The following ZZZ3 variants were observed in gnomAD, a reference collection of about 807,000 sequenced individuals.
ZZZ3 encodes ZZ-type zinc finger-containing protein 3.
ZZZ3 carries 22 observed loss-of-function variants against 95.2 expected under a neutral mutation model. That is an observed-to-expected ratio of 0.23 (90% CI 0.17 to 0.33). ZZZ3 has a LOEUF of 0.33. Ranked by LOEUF, ZZZ3 falls within the 10% of genes least tolerant of loss-of-function variation. The probability of loss-of-function intolerance (pLI) is 1.00; values close to 1 mark genes in which losing one functional copy is unlikely to be tolerated. For missense variants in ZZZ3, 885 were observed against 1,066.5 expected (o/e 0.83, Z 2.37); for synonymous variants, 335 against 358.9 (o/e 0.93, Z 0.75).
At position 77,632,387 on chromosome 1, in the gene ZZZ3, T is replaced by G; in HGVS notation, c.968A>C (p.Asp323Ala). ...DSEEEVDVVG[D>A]SSASKEQCKE... The stretch of plus-strand genomic sequence containing the variant: ...ACACTGCTCTTTTGAGGCACTGCTA[T>G]CTCCCACCACATCTACTTCCTCCTC... The change falls in exon 5 of 15, where the codon GAT (aspartate) becomes GCT (alanine). Residue 323 changes from aspartate (D) to alanine (A), a missense_variant. Transcript: ENST00000370801. The G allele has an allele frequency of 6.2e-7, 1 of 1,614,130 alleles. No homozygotes were observed.
chr1:77,625,502 C>A (rs1462231096), intron 5 of ZZZ3, among the ~76,000 whole-genome samples: 1 of 151,578 alleles, frequency 6.6e-6, no homozygotes, highest in Non-Finnish European at 1.5e-5. Context: ...CTCATGAAAG[C>A]CAACAAAAAT....
At chr1:77,648,170 C>A (rs550183438) in intron 1 of ZZZ3, among the ~76,000 whole-genome samples, 68 of 151,846 alleles carry the variant, frequency 4.5e-4, no homozygotes, top group South Asian at 1.5e-3. Flanking sequence ...CCAGCCTGAG[C>A]AACATGGCAA....
intron 1 of ZZZ3, among the ~76,000 whole-genome samples, chr1:77,676,077 T>C (rs564598812): frequency 6.6e-6 from 1 of 152,366 alleles, no homozygotes; most frequent in South Asian, 2.1e-4. Context: ...TAAGCATACA[T>C]CCTAAACTGT....
intron 5 of ZZZ3, among the ~76,000 whole-genome samples, chr1:77,601,330 A>G (rs1004743191): frequency 1.3e-5 from 2 of 152,202 alleles, no homozygotes; most frequent in African/African-American, 4.8e-5. Flanking sequence ...AAGTCATTTC[A>G]GTGGAGTGAT....
chr1:77,669,490 T>C (rs541027666), intron 1 of ZZZ3, among the ~76,000 whole-genome samples: 1 of 145,594 alleles, frequency 6.9e-6, no homozygotes, highest in African/African-American at 2.6e-5. Flanking sequence ...GGCGTCTCGC[T>C]CAGTTGCCCA....
Position 77,644,476 on chromosome 1 carries a change from C to A in ZZZ3, c.-402-2821G>T, listed in dbSNP as rs182591148. On this transcript the variant is annotated intron_variant, in intron 1 of 14. Transcript: ENST00000370801. ...AGAAGAGTACATTTTCTGCTCAGAA[C>A]CACATGTTCAGTGTCTTGGATGCCT... Among the ~76,000 whole-genome samples, 50 of 152,312 alleles carry A rather than the reference C, an allele frequency of 3.3e-4. 4 individuals are homozygous for A. Among genetic ancestry groups the A allele is most frequent in the African/African-American group, 1.2e-3 (50 of 41,578 alleles).
At chr1:77,605,816 C>A (rs1665172335) in intron 5 of ZZZ3, among the ~76,000 whole-genome samples, 1 of 152,138 alleles carries the variant, frequency 6.6e-6, no homozygotes, top group Admixed American at 6.5e-5. Context: ...GCCTGTGGAC[C>A]TTGAATAACC....
chr1:77,617,249 T>A (rs930387854), intron 5 of ZZZ3, among the ~76,000 whole-genome samples: 5 of 152,212 alleles, frequency 3.3e-5, no homozygotes, highest in African/African-American at 1.2e-4. Context: ...AACATTTTCA[T>A]CACCCCAAAA....
At chr1:77,602,874 G>A (rs1302915189) in intron 5 of ZZZ3, among the ~76,000 whole-genome samples, 1 of 151,994 alleles carries the variant, frequency 6.6e-6, no homozygotes, top group African/African-American at 2.4e-5. Flanking sequence ...AAAGTGCTGG[G>A]ATTACAACAT....
chr1:77,597,569 G>C (rs945968385), intron 5 of ZZZ3, among the ~76,000 whole-genome samples: 1 of 152,114 alleles, frequency 6.6e-6, no homozygotes, highest in Non-Finnish European at 1.5e-5. Context: ...TTGCTAGTAT[G>C]CACCCTGGTA....
At chr1:77,568,259 A>G in intron 13 of ZZZ3, 73 bp downstream of exon 13, 1 of 1,343,152 alleles carries the variant, frequency 7.4e-7, no homozygotes, top group South Asian at 1.4e-5. Context: ...AGCCTGGGCA[A>G]CAGAGTGAGA....
intron 5 of ZZZ3, among the ~76,000 whole-genome samples, chr1:77,622,136 CAA>C (rs58597820): frequency 2.6e-4 from 21 of 81,840 alleles, no homozygotes; most frequent in South Asian, 1.3e-3. Context: ...CTTGTCTCCA[CAA>C]AAAAAAAAAA....
At chr1:77,661,142 G>A (rs1392349062) in intron 1 of ZZZ3, among the ~76,000 whole-genome samples, 1 of 151,748 alleles carries the variant, frequency 6.6e-6, no homozygotes, top group Non-Finnish European at 1.5e-5. Context: ...GAGGCCAGGC[G>A]CAGTGGCTCA....
At chr1:77,589,682 A>G (rs1490215573) in intron 5 of ZZZ3, among the ~76,000 whole-genome samples, 1 of 149,304 alleles carries the variant, frequency 6.7e-6, no homozygotes, top group Non-Finnish European at 1.5e-5. Context: ...CTCGTCTCAA[A>G]CTCCTGGCTT....
At chr1:77,648,738 C>T (rs747221796) in intron 1 of ZZZ3, among the ~76,000 whole-genome samples, 7 of 152,088 alleles carry the variant, frequency 4.6e-5, no homozygotes, top group Non-Finnish European at 8.8e-5. Context: ...ACATGGGTAA[C>T]TGAAGTCCCC....
chr1:77,583,190 G>A (rs144256418), intron 6 of ZZZ3, among the ~76,000 whole-genome samples: 1 of 152,142 alleles, frequency 6.6e-6, no homozygotes, highest in African/African-American at 2.4e-5. Flanking sequence ...TCAACTGCAT[G>A]CAAATCTAGT....
chr1:77,615,388 A>T (rs1666211088), intron 5 of ZZZ3, among the ~76,000 whole-genome samples: 1 of 152,230 alleles, frequency 6.6e-6, no homozygotes, highest in Non-Finnish European at 1.5e-5. Context: ...ACATGGAGAA[A>T]GTACATCATA....
At chr1:77,681,904 A>AAC (rs1672796498) in intron 1 of ZZZ3, among the ~76,000 whole-genome samples, 1 of 151,876 alleles carries the variant, frequency 6.6e-6, no homozygotes, top group Non-Finnish European at 1.5e-5. Context: ...CGTCTCAAAA[A>AAC]AAAAAAAAAA....
intron 9 of ZZZ3, chr1:77,580,395 G>C (rs1427948255): frequency 6.6e-6 from 1 of 151,962 alleles, no homozygotes; most frequent in Non-Finnish European, 1.5e-5. Flanking sequence ...ACTGGCCTCA[G>C]GTTTTTCTCT....
Sources: allele counts gnomAD v4.1 joint callset (sites outside exome capture counted in the v4.1 genomes callset), GRCh38; gene constraint gnomAD v4.1.1; transcripts MANE v1.5; gene names NCBI Gene and HGNC (gene_info 2026-07-23, HGNC 2026-07-21).